Variants in TBC1D19 observed in about 807,000 individuals in gnomAD.
The protein encoded by TBC1D19 is TBC1 domain family, member 19.
TBC1D19 carries 60 observed loss-of-function variants against 89.0 expected under a neutral mutation model. The ratio of observed to expected loss-of-function variants is 0.67; its 90% CI spans 0.55 to 0.84. The LOEUF (loss-of-function observed/expected upper bound fraction) is 0.84, where lower values mean the gene tolerates loss of function less well. Among genes scored for constraint, TBC1D19 ranks in the 40% least tolerant of loss-of-function variants. The pLI, the probability that TBC1D19 is intolerant of heterozygous loss-of-function variation, is 0.00. For synonymous variants in TBC1D19, 189 were observed against 199.7 expected (o/e 0.95, Z 0.45); for missense variants, 500 against 610.8 (o/e 0.82, Z 1.91).
intron 13 of TBC1D19, chr4:26,702,275 G>T (rs543449915): frequency 6.6e-6 from 1 of 152,182 alleles, no homozygotes; most frequent in Non-Finnish European, 1.5e-5. Flanking sequence ...TGCATATTTT[G>T]AGAAAAAGCA....
the TBC1D19 span, among the ~76,000 whole-genome samples, chr4:26,782,151 C>T: frequency 6.6e-6 from 1 of 152,282 alleles, no homozygotes; most frequent in Middle Eastern, 3.4e-3. Flanking sequence ...TATCACCCCG[C>T]AGAGGCAGGA....
rs1451087936 is a variant in TBC1D19, at chr4:26,756,051, T to TA, written c.*1105dup. 6.6e-6 allele frequency among the ~76,000 whole-genome samples: 1 copy of TA among 152,268 alleles called. No homozygotes were observed. The highest frequency in any genetic ancestry group is 2.4e-5 in the African/African-American group (1 of 41,474). Reference sequence around the variant, plus strand: ...CTAAAACTGTAAATCAGTAGATTGATACGCTTATTGATTGCCTAGAATTTT... The same window carrying TA: ...CTAAAACTGTAAATCAGTAGATTGATAACGCTTATTGATTGCCTAGAATTTT... On this transcript the variant is annotated 3_prime_UTR_variant, in exon 21 of 21. Transcript: ENST00000264866.
At chr4:26,762,632 T>C in the TBC1D19 span, among the ~76,000 whole-genome samples, 107 of 152,356 alleles carry the variant, frequency 7.0e-4, no homozygotes, top group African/African-American at 2.5e-3. Flanking sequence ...CTGAAAACTG[T>C]ATATGTTACC....
chr4:26,599,600 G>A (rs957145703), intron 1 of TBC1D19, among the ~76,000 whole-genome samples: 1 of 152,030 alleles, frequency 6.6e-6, no homozygotes, highest in Non-Finnish European at 1.5e-5. Flanking sequence ...CTAGAAAAGG[G>A]CTATGTTTTT....
rs138333310 is a variant in TBC1D19 at position 26,735,635 on chromosome 4, T to C, written c.1117+148T>C. On this transcript the variant is annotated intron_variant, in intron 16 of 20. Transcript: ENST00000264866. ...AAGTGAAATGCATGCTAGTTCCCCA[T>C]AGGGGCTTCATTTTTTTTAATTATT... 99 of 595,664 alleles carry C rather than the reference T, an allele frequency of 1.7e-4. 2 individuals carry two copies. In the East Asian group the frequency reaches 3.1e-3, roughly 18 times the overall value. The allele number at this position is 595,664 out of a possible 1,614,324, so 36.9% of individuals were successfully genotyped here.
At chr4:26,673,534 A>T (rs185367367) in intron 10 of TBC1D19, among the ~76,000 whole-genome samples, 106 of 151,052 alleles carry the variant, frequency 7.0e-4, no homozygotes, top group African/African-American at 2.5e-3. Context: ...AAGTCCTTAC[A>T]TTAAGTCCCT....
chr4:26,790,581 A>G, the TBC1D19 span, among the ~76,000 whole-genome samples: 1 of 152,226 alleles, frequency 6.6e-6, no homozygotes, highest in Non-Finnish European at 1.5e-5. Flanking sequence ...AGAAAGAGAG[A>G]CAAAATTATG....
chr4:26,840,964 C>G, the TBC1D19 span, among the ~76,000 whole-genome samples: 1 of 152,232 alleles, frequency 6.6e-6, no homozygotes, highest in South Asian at 2.1e-4. Context: ...CCCTTCCCCC[C>G]AAGACTGCCA....
chr4:26,786,796 G>GATGGAT, the TBC1D19 span, among the ~76,000 whole-genome samples: 3 of 147,818 alleles, frequency 2.0e-5, no homozygotes, highest in Non-Finnish European at 3.0e-5. Flanking sequence ...TGGATGGATG[G>GATGGAT]GTGGGTGGAA....
At chr4:26,851,304 C>CCTCTCTATCTATCTGTCTGTCTGTCTGT in the TBC1D19 span, among the ~76,000 whole-genome samples, 8 of 146,974 alleles carry the variant, frequency 5.4e-5, no homozygotes, top group African/African-American at 2.0e-4. Flanking sequence ...TAATAAATAC[C>CCTCTCTATCTATCTGTCTGTCTGTCTGT]CTATCTATCT....
At position 26,634,865 on chromosome 4, in the gene TBC1D19, T is replaced by C. The variant is rs142088296; in HGVS notation, c.295-2346T>C. Reference sequence around the variant, plus strand: ...TCCAGAATTTTTTCCAGTATATTTATTGGAAAAAATTTAAATATAAGTAAA... The same window carrying C: ...TCCAGAATTTTTTCCAGTATATTTACTGGAAAAAATTTAAATATAAGTAAA... On this transcript the variant is annotated intron_variant, in intron 4 of 20. Coordinates refer to ENST00000264866, the MANE Select transcript of TBC1D19 (RefSeq NM_018317.4). Among the ~76,000 whole-genome samples the C allele has an allele frequency of 3.9e-5, 6 of 152,256 alleles. No individual in the cohort carries two copies. The East Asian group carries it at 9.7e-4, about 25-fold the overall frequency.
At chr4:26,775,711 T>C in the TBC1D19 span, among the ~76,000 whole-genome samples, 2 of 152,146 alleles carry the variant, frequency 1.3e-5, no homozygotes, top group South Asian at 2.1e-4. Context: ...GTCTCAGGTA[T>C]CCTGTTATAG....
At position 26,601,217 on chromosome 4, in the gene TBC1D19, A is replaced by G. The variant is rs1290615557; in HGVS notation, c.100-11952A>G. ...CCCCCACTCCCACCAACCTGTAGTA[A>G]CCACTGTTCTACGGTCTGTCTCTAT... On this transcript the variant is annotated intron_variant, in intron 1 of 20. Coordinates refer to ENST00000264866, the MANE Select transcript of TBC1D19 (RefSeq NM_018317.4). 2.6e-5 allele frequency among the ~76,000 whole-genome samples: 4 copies of G among 152,242 alleles called. No homozygotes were observed. In the East Asian group the frequency reaches 7.7e-4, roughly 29 times the overall value.
At chr4:26,648,726 C>T (rs535725802) in intron 7 of TBC1D19, among the ~76,000 whole-genome samples, 1 of 152,222 alleles carries the variant, frequency 6.6e-6, no homozygotes, top group Admixed American at 6.5e-5. Flanking sequence ...TAGTAAAAAA[C>T]TGCCTTTATG....
At chr4:26,858,400 CAG>C in the TBC1D19 span, 2 of 140,252 alleles carry the variant, frequency 1.4e-5, no homozygotes, top group African/African-American at 5.2e-5. Flanking sequence ...GATTTGGCGA[CAG>C]GGAAGGAGAG....
chr4:26,808,727 C>CAAAAAAAAAAAA, the TBC1D19 span, among the ~76,000 whole-genome samples: 4 of 95,040 alleles, frequency 4.2e-5, no homozygotes, highest in Non-Finnish European at 5.9e-5. Flanking sequence ...GACTCTGTCT[C>CAAAAAAAAAAAA]AAAAAAAAAA....
intron 13 of TBC1D19, among the ~76,000 whole-genome samples, chr4:26,691,398 A>G (rs1201719727): frequency 1.3e-5 from 2 of 152,224 alleles, no homozygotes; most frequent in East Asian, 1.9e-4. Flanking sequence ...GTGCCAACAA[A>G]CAAATATTTT....
At chr4:26,709,966 T>C (rs766259234) in intron 13 of TBC1D19, among the ~76,000 whole-genome samples, 2 of 152,082 alleles carry the variant, frequency 1.3e-5, no homozygotes, top group Admixed American at 6.6e-5. Context: ...GGGGTGTCTA[T>C]TTTCAAAGCT....
intron 4 of TBC1D19, among the ~76,000 whole-genome samples, chr4:26,621,405 A>G (rs533671442): frequency 3.9e-5 from 6 of 152,150 alleles, no homozygotes; most frequent in Non-Finnish European, 7.4e-5. Context: ...AATGAGCACC[A>G]CAGTCAGTCG....
Sources: allele counts gnomAD v4.1 joint callset (sites outside exome capture counted in the v4.1 genomes callset), GRCh38; gene constraint gnomAD v4.1.1; transcripts MANE v1.5; gene names NCBI Gene and HGNC (gene_info 2026-07-23, HGNC 2026-07-21).